KCNT2: variants seen among roughly 807,000 people sequenced by gnomAD.
KCNT2 encodes the protein potassium sodium-activated channel subfamily T member 2.
A neutral mutation model predicts 153.8 loss-of-function variants in KCNT2; 67 were observed. That is an observed-to-expected ratio of 0.44 (90% confidence interval 0.36 to 0.53). The LOEUF is 0.53. Ranked by LOEUF, KCNT2 falls within the 20% of genes least tolerant of loss-of-function variation. The pLI, the probability that KCNT2 is intolerant of heterozygous loss-of-function variation, is 0.00. For synonymous variants in KCNT2, 500 were observed against 458.8 expected, an observed-to-expected ratio of 1.09 and a Z score of -1.15; for missense variants, 975 against 1,354.8, an observed-to-expected ratio of 0.72 and a Z score of 4.40.
At chr1:196,544,323 T>C (rs1394363302) in intron 1 of KCNT2, among the ~76,000 whole-genome samples, 1 of 151,934 alleles carries the variant, frequency 6.6e-6, no homozygotes, top group East Asian at 1.9e-4. Context: ...TATAGATGTA[T>C]AGAATATGTT....
chr1:196,333,640 G>A (rs2148115728), intron 17 of KCNT2, among the ~76,000 whole-genome samples: 1 of 152,188 alleles, frequency 6.6e-6, no homozygotes, highest in Admixed American at 6.5e-5. Flanking sequence ...GTTGAAGCCA[G>A]AAACTTGAGG....
intron 1 of KCNT2, among the ~76,000 whole-genome samples, chr1:196,588,116 C>T (rs76598123): frequency 0.016 from 2,396 of 152,030 alleles, 67 homozygotes; most frequent in African/African-American, 0.054. Flanking sequence ...TATTTCAAGA[C>T]GGAGTGGCTT....
chr1:196,503,659 T>C (rs1414135692), intron 1 of KCNT2, among the ~76,000 whole-genome samples: 1 of 152,144 alleles, frequency 6.6e-6, no homozygotes, highest in Admixed American at 6.6e-5. Context: ...TATATGTGTT[T>C]GTGGAGAGGG....
rs574813509 is a variant in KCNT2, at chr1:196,448,671, A to G, written c.638+16622T>C. ...TACTTTAAAAGCTGTCTCAAATCCT[A>G]TTGTTGAAGTTTATATAATATTCTT... On this transcript the variant is annotated intron_variant, in intron 8 of 27. Transcript: ENST00000294725. 2.6e-5 allele frequency among the ~76,000 whole-genome samples: 4 copies of G among 151,634 alleles called. No individual in the cohort carries two copies. The East Asian group carries it at 5.9e-4, about 22-fold the overall frequency.
chr1:196,574,507 T>C (rs1038723187), intron 1 of KCNT2, among the ~76,000 whole-genome samples: 2 of 151,854 alleles, frequency 1.3e-5, no homozygotes, highest in Non-Finnish European at 2.9e-5. Context: ...TTTGCTCTCA[T>C]GCATTTCATT....
At chr1:196,432,489 G>A (rs1027392016) in intron 8 of KCNT2, among the ~76,000 whole-genome samples, 1 of 152,224 alleles carries the variant, frequency 6.6e-6, no homozygotes, top group East Asian at 1.9e-4. Context: ...CCATGGCCTG[G>A]TAGGGGCCGA....
rs571678705 is a variant in KCNT2 at position 196,255,324 on chromosome 1, G to C, written c.3211+2870C>G. On this transcript the variant is annotated intron_variant, in intron 26 of 27. Transcript: ENST00000294725. ...CATTTGATGGTGGACAATAAGTTCA[G>C]AGAGATGTGACTTGCCAAAGAACAC... 7.9e-5 allele frequency among the ~76,000 whole-genome samples: 12 copies of C among 151,868 alleles called. No homozygotes were observed. In the South Asian group the frequency reaches 2.5e-3, roughly 31 times the overall value.
intron 25 of KCNT2, among the ~76,000 whole-genome samples, chr1:196,266,947 C>T (rs1474191794): frequency 1.3e-5 from 2 of 152,188 alleles, no homozygotes; most frequent in Non-Finnish European, 2.9e-5. Flanking sequence ...CATTTGGCCA[C>T]CCACAAAAAT....
At chr1:196,585,842 C>G (rs962195357) in intron 1 of KCNT2, among the ~76,000 whole-genome samples, 2 of 152,078 alleles carry the variant, frequency 1.3e-5, no homozygotes, top group African/African-American at 4.8e-5. Flanking sequence ...TACACTCATA[C>G]TTTCAAGTAC....
At chr1:196,380,341 C>A (rs1391325971) in intron 13 of KCNT2, among the ~76,000 whole-genome samples, 1 of 152,152 alleles carries the variant, frequency 6.6e-6, no homozygotes, top group Non-Finnish European at 1.5e-5. Context: ...AATTGAGATG[C>A]AAATGCATTG....
intron 1 of KCNT2, among the ~76,000 whole-genome samples, chr1:196,594,528 G>A (rs558253369): frequency 6.6e-6 from 1 of 151,950 alleles, no homozygotes. Flanking sequence ...CCTTTGTATG[G>A]ACTACTTGCG....
intron 14 of KCNT2, chr1:196,343,142 C>T (rs1232960303): frequency 2.6e-5 from 4 of 152,104 alleles, no homozygotes; most frequent in African/African-American, 4.8e-5. Flanking sequence ...ATAAAATGCC[C>T]AAGCTGTGGT....
intron 26 of KCNT2, among the ~76,000 whole-genome samples, chr1:196,250,630 A>G (rs1157462387): frequency 6.6e-6 from 1 of 152,168 alleles, no homozygotes; most frequent in Non-Finnish European, 1.5e-5. Context: ...ATGGGATCAC[A>G]TCAAGTTAAA....
At chr1:196,593,254 T>G (rs1366924368) in intron 1 of KCNT2, among the ~76,000 whole-genome samples, 5 of 148,982 alleles carry the variant, frequency 3.4e-5, no homozygotes, top group African/African-American at 9.8e-5. Context: ...TGCCATTAAT[T>G]CATTCCTTTT....
intron 25 of KCNT2, among the ~76,000 whole-genome samples, chr1:196,274,234 T>G (rs1658344967): frequency 6.6e-6 from 1 of 151,602 alleles, no homozygotes. Flanking sequence ...ATTCTTCAAA[T>G]TTAAAGAACA....
intron 1 of KCNT2, among the ~76,000 whole-genome samples, chr1:196,504,188 C>T (rs568650076): frequency 2.6e-5 from 4 of 151,482 alleles, no homozygotes; most frequent in East Asian, 1.9e-4. Context: ...CACCCATTAA[C>T]GCGTCATCTA....
rs369916794 is a variant in KCNT2, at chr1:196,469,087, T to C, written c.385-19A>G. 41 of 1,512,712 alleles carry C rather than the reference T, an allele frequency of 2.7e-5. No individual in the cohort carries two copies. The highest frequency in any genetic ancestry group is 3.5e-5 in the South Asian group (3 of 86,060). 93.7% of individuals were successfully genotyped at this position (1,512,712 alleles called of 1,614,324 possible). ...TGTTTCCCTTCCAAGAAAGAATGAA[T>C]AAAAACGAAAGTCAATTATACTGCC... On this transcript the variant is annotated intron_variant, in intron 5 of 27. Coordinates refer to ENST00000294725, the MANE Select transcript of KCNT2 (RefSeq NM_198503.5).
chr1:196,602,822 C>G (rs1030374543), intron 1 of KCNT2, among the ~76,000 whole-genome samples: 1 of 125,644 alleles, frequency 8.0e-6, no homozygotes, highest in Non-Finnish European at 1.6e-5. Flanking sequence ...CTCTGTCGCC[C>G]AGGCCGGACT....
At chr1:196,477,043 T>C (rs1438233391) in intron 5 of KCNT2, among the ~76,000 whole-genome samples, 1 of 152,212 alleles carries the variant, frequency 6.6e-6, no homozygotes, top group Non-Finnish European at 1.5e-5. Context: ...TAACATCCTA[T>C]GTCTTCTCAT....
Sources: allele counts gnomAD v4.1 joint callset (sites outside exome capture counted in the v4.1 genomes callset), GRCh38; gene constraint gnomAD v4.1.1; transcripts MANE v1.5; gene names NCBI Gene and HGNC (gene_info 2026-07-23, HGNC 2026-07-21).